TMEM117: variants seen among roughly 807,000 people sequenced by gnomAD.
TMEM117 encodes transmembrane protein 117.
In TMEM117, 27 loss-of-function variants were observed where a neutral mutation model predicts 52.4. The observed-to-expected ratio is 0.51, with a 90% CI of 0.38 to 0.71. TMEM117 has a LOEUF of 0.71. Ranked by LOEUF, TMEM117 falls within the 30% of genes least tolerant of loss-of-function variation. TMEM117 has a pLI of 0.00. For synonymous variants in TMEM117, 215 were observed against 206.3 expected (o/e 1.04, Z -0.36); for missense variants, 556 against 630.5 (o/e 0.88, Z 1.26).
intron 6 of TMEM117, among the ~76,000 whole-genome samples, chr12:44,337,321 G>T (rs1441700834): frequency 1.3e-5 from 2 of 151,910 alleles, no homozygotes; most frequent in South Asian, 2.1e-4. Flanking sequence ...TCTTATAAGG[G>T]ATGGATTTTA....
At chr12:43,995,464 C>T (rs1481914958) in intron 3 of TMEM117, among the ~76,000 whole-genome samples, 1 of 152,106 alleles carries the variant, frequency 6.6e-6, no homozygotes, top group Non-Finnish European at 1.5e-5. Flanking sequence ...TAGATTGGAA[C>T]TCTCTCTCCA....
chr12:43,844,572 A>G, intron 1 of TMEM117, 52 bp from the exon 2 acceptor site: 1 of 1,458,458 alleles, frequency 6.9e-7, no homozygotes, highest in East Asian at 2.3e-5. Flanking sequence ...TAAAAAGAAG[A>G]AAGCCATTAC....
chr12:44,298,697 C>T (rs532243476), intron 5 of TMEM117, among the ~76,000 whole-genome samples: 3 of 151,024 alleles, frequency 2.0e-5, no homozygotes, highest in Non-Finnish European at 2.9e-5. Context: ...ATGTCAGGCT[C>T]CTAGTATCTT....
At chr12:44,354,719 A>G (rs993093637) in intron 6 of TMEM117, among the ~76,000 whole-genome samples, 34 of 152,014 alleles carry the variant, frequency 2.2e-4, no homozygotes, top group Admixed American at 2.0e-4. Context: ...ATCATACTGA[A>G]TGGACAAAAA....
chr12:44,037,299 GC>G (rs1764948164), intron 3 of TMEM117, among the ~76,000 whole-genome samples: 3 of 152,288 alleles, frequency 2.0e-5, no homozygotes, highest in African/African-American at 7.2e-5. Flanking sequence ...GGCCTGGGAA[GC>G]CCCCCTTCCC....
At chr12:44,393,983 C>T (rs1952171522), downstream of TMEM117, among the ~76,000 whole-genome samples, 2 of 152,052 alleles carry the variant, frequency 1.3e-5, no homozygotes, top group Non-Finnish European at 2.9e-5. Context: ...ATGTTTTGAA[C>T]ACATCCCCAG....
chr12:44,098,189 T>C (rs1947803735), intron 3 of TMEM117, among the ~76,000 whole-genome samples: 1 of 152,124 alleles, frequency 6.6e-6, no homozygotes, highest in Admixed American at 6.6e-5. Context: ...TTGAATGCTT[T>C]CTGGGTGCCA....
chr12:43,797,267 T>A, the TMEM117 span: 1 of 1,546,370 alleles, frequency 6.5e-7, no homozygotes, highest in East Asian at 2.3e-5. Context: ...ATAAACAAAC[T>A]GAAAGTAATG....
chr12:43,999,385 T>C (rs1308096607), intron 3 of TMEM117, among the ~76,000 whole-genome samples: 2 of 152,252 alleles, frequency 1.3e-5, no homozygotes, highest in Non-Finnish European at 2.9e-5. Context: ...ATTACAGTTA[T>C]TAAATGCTTT....
At chr12:44,165,187 C>A (rs1026636523) in intron 4 of TMEM117, among the ~76,000 whole-genome samples, 6 of 151,956 alleles carry the variant, frequency 3.9e-5, no homozygotes, top group Non-Finnish European at 8.8e-5. Flanking sequence ...GGTGTGAACA[C>A]ACAAAAGTTT....
At chr12:44,180,974 G>A (rs1464155290) in intron 4 of TMEM117, among the ~76,000 whole-genome samples, 1 of 152,092 alleles carries the variant, frequency 6.6e-6, no homozygotes, top group Non-Finnish European at 1.5e-5. Context: ...CACCAACAGT[G>A]TAAAAGTGTT....
chr12:44,188,242 C>G (rs1304044157), intron 4 of TMEM117, among the ~76,000 whole-genome samples: 1 of 152,124 alleles, frequency 6.6e-6, no homozygotes, highest in African/African-American at 2.4e-5. Flanking sequence ...TGATCATCTT[C>G]TATCTGAACA....
chr12:44,373,711 C>A (rs1462166288), intron 6 of TMEM117, among the ~76,000 whole-genome samples: 1 of 149,724 alleles, frequency 6.7e-6, no homozygotes, highest in East Asian at 2.0e-4. Context: ...CGTCCCAAAT[C>A]TCTCTGCTTT....
At chr12:43,855,112 C>G (rs1415990465) in intron 2 of TMEM117, among the ~76,000 whole-genome samples, 3 of 152,164 alleles carry the variant, frequency 2.0e-5, no homozygotes, top group East Asian at 3.8e-4. Context: ...CAGACAGACT[C>G]AAGTAAGTTC....
chr12:44,036,990 C>T (rs1053072975), intron 3 of TMEM117, among the ~76,000 whole-genome samples: 2 of 152,156 alleles, frequency 1.3e-5, no homozygotes, highest in African/African-American at 2.4e-5. Flanking sequence ...ATGGCAGCAG[C>T]GGCCCACCTG....
intron 2 of TMEM117, among the ~76,000 whole-genome samples, chr12:43,928,910 T>C (rs372300231): frequency 2.0e-5 from 3 of 151,876 alleles, no homozygotes; most frequent in Non-Finnish European, 2.9e-5. Flanking sequence ...CATGTCCCTA[T>C]AAAGGACATG....
chr12:43,888,375 A>T (rs1463163270), intron 2 of TMEM117, among the ~76,000 whole-genome samples: 1 of 152,126 alleles, frequency 6.6e-6, no homozygotes, highest in Non-Finnish European at 1.5e-5. Context: ...TAGCCATACA[A>T]CTATTTTATA....
chr12:43,860,165 C>T (rs1291942047), intron 2 of TMEM117, among the ~76,000 whole-genome samples: 1 of 152,132 alleles, frequency 6.6e-6, no homozygotes, highest in African/African-American at 2.4e-5. Flanking sequence ...TAATGCTATC[C>T]CTCCCCTAGT....
intron 3 of TMEM117, among the ~76,000 whole-genome samples, chr12:43,981,895 C>G (rs1417422070): frequency 6.6e-6 from 1 of 151,960 alleles, no homozygotes; most frequent in Admixed American, 6.6e-5. Flanking sequence ...GGTCAAAGAG[C>G]AGAGAGTTAC....
Sources: gnomAD v4.1 joint callset for allele counts (sites outside exome capture counted in the v4.1 genomes callset) on GRCh38, gnomAD v4.1.1 for gene constraint, MANE v1.5 for transcripts, NCBI Gene and HGNC (gene_info 2026-07-23, HGNC 2026-07-21) for gene names.